The following KCNIP4 variants were observed in gnomAD, a reference collection of about 807,000 sequenced individuals.
The protein encoded by KCNIP4 is potassium voltage-gated channel interacting protein 4, also known as Kv channel-interacting protein 4.
In KCNIP4, 12 loss-of-function variants were observed where a neutral mutation model predicts 34.0. That is an observed-to-expected ratio of 0.35 (90% confidence interval 0.23 to 0.57). The LOEUF (loss-of-function observed/expected upper bound fraction) is 0.57. Ranked by LOEUF, KCNIP4 falls within the 20% of genes least tolerant of loss-of-function variation. The pLI is 0.83. For synonymous variants in KCNIP4, 124 were observed against 102.2 expected, an observed-to-expected ratio of 1.21 and a Z score of -1.29; for missense variants, 238 against 311.7, an observed-to-expected ratio of 0.76 and a Z score of 1.78.
At chr4:21,309,857 A>G (rs1712935130) in intron 1 of KCNIP4, among the ~76,000 whole-genome samples, 2 of 152,352 alleles carry the variant, frequency 1.3e-5, no homozygotes, top group South Asian at 2.1e-4. Flanking sequence ...CCATGAGATC[A>G]GGGAAAGCTG....
At chr4:20,742,818 G>C (rs534492756) in intron 5 of KCNIP4, among the ~76,000 whole-genome samples, 1 of 152,144 alleles carries the variant, frequency 6.6e-6, no homozygotes, top group South Asian at 2.1e-4. Flanking sequence ...AGAAAACCCT[G>C]TCGTCTCAGC....
chr4:21,528,952 T>C (rs1424079799), intron 1 of KCNIP4, among the ~76,000 whole-genome samples: 1 of 152,024 alleles, frequency 6.6e-6, no homozygotes, highest in African/African-American at 2.4e-5. Flanking sequence ...TCATGTGGCA[T>C]GGCTTTCGGC....
At chr4:20,864,420 C>T (rs1261389969) in intron 2 of KCNIP4, among the ~76,000 whole-genome samples, 2 of 151,078 alleles carry the variant, frequency 1.3e-5, no homozygotes, top group Non-Finnish European at 2.9e-5. Context: ...TATATACATA[C>T]ACTCATAAAA....
At chr4:20,759,071 GA>G (rs1052795920) in intron 3 of KCNIP4, among the ~76,000 whole-genome samples, 181 bp from the exon 4 acceptor site, 1 of 149,984 alleles carries the variant, frequency 6.7e-6, no homozygotes, top group Admixed American at 6.6e-5. Flanking sequence ...GTTCTCACAA[GA>G]AAAAAAAACG....
intron 3 of KCNIP4, among the ~76,000 whole-genome samples, chr4:20,795,380 C>T (rs751511977): frequency 3.9e-4 from 59 of 152,214 alleles, no homozygotes; most frequent in Non-Finnish European, 7.2e-4. Context: ...GCCTATAGCC[C>T]TAAATAATGT....
At chr4:20,905,548 G>A (rs1462855051) in intron 1 of KCNIP4, among the ~76,000 whole-genome samples, 3 of 118,340 alleles carry the variant, frequency 2.5e-5, no homozygotes. Context: ...GTCTTGCTCT[G>A]CTGCCCAGGT....
At chr4:20,886,340 C>G (rs1276873780) in intron 1 of KCNIP4, among the ~76,000 whole-genome samples, 1 of 152,164 alleles carries the variant, frequency 6.6e-6, no homozygotes, top group Non-Finnish European at 1.5e-5. Flanking sequence ...AGTCACTGAG[C>G]TGAAGTGGCA....
chr4:20,779,523 A>G (rs1756661525), intron 3 of KCNIP4, among the ~76,000 whole-genome samples: 2 of 151,150 alleles, frequency 1.3e-5, no homozygotes, highest in South Asian at 2.1e-4. Context: ...TTCTCAAAAT[A>G]TATTGATAAC....
intron 1 of KCNIP4, among the ~76,000 whole-genome samples, chr4:20,963,792 A>G (rs1400873285): frequency 6.6e-6 from 1 of 152,132 alleles, no homozygotes; most frequent in Non-Finnish European, 1.5e-5. Context: ...AGTGGGAAAT[A>G]TTAGACGAGA....
Position 20,979,900 on chromosome 4 carries a change from T to A in KCNIP4, c.62-97191A>T, listed in dbSNP as rs1209699010. On this transcript the variant is annotated intron_variant, in intron 1 of 8. Coordinates refer to ENST00000382152, the MANE Select transcript of KCNIP4 (RefSeq NM_025221.6). ...ACATATTTTAATGTTCTTAGACCCA[T>A]GTGCAACGAGCCATATCCAATTCAC... Among the ~76,000 whole-genome samples, 4 of 152,146 alleles carry A rather than the reference T, an allele frequency of 2.6e-5. No homozygotes were observed. In the South Asian group the frequency reaches 8.3e-4, roughly 32 times the overall value.
At chr4:21,105,574 G>T (rs561670230) in intron 1 of KCNIP4, among the ~76,000 whole-genome samples, 5 of 151,618 alleles carry the variant, frequency 3.3e-5, no homozygotes, top group Non-Finnish European at 5.9e-5. Context: ...TTTCCTAATT[G>T]AATACCATTT....
In KCNIP4 at chr4:21,113,307, C is replaced by A. The variant is rs74474931; in HGVS notation, c.62-230598G>T. Among the ~76,000 whole-genome samples the A allele has an allele frequency of 6.1e-3, 928 of 152,240 alleles. 6 individuals carry two copies. Among genetic ancestry groups the A allele is most frequent in the African/African-American group, 0.021 (872 of 41,546 alleles). ...ACACAGACATAAGGCTGTAATTCAG[C>A]TGAGGCAAACAGCAGGGAAAATCAT... On this transcript the variant is annotated intron_variant, in intron 1 of 8. Coordinates refer to ENST00000382152, the MANE Select transcript of KCNIP4 (RefSeq NM_025221.6).
chr4:21,630,065 T>C (rs184316264), intron 1 of KCNIP4, among the ~76,000 whole-genome samples: 6 of 151,148 alleles, frequency 4.0e-5, no homozygotes, highest in African/African-American at 1.2e-4. Flanking sequence ...GGTCTAGCTA[T>C]GTTTCCCAGG....
At chr4:20,919,211 T>C (rs1729138352) in intron 1 of KCNIP4, among the ~76,000 whole-genome samples, 1 of 152,120 alleles carries the variant, frequency 6.6e-6, no homozygotes, top group Non-Finnish European at 1.5e-5. Flanking sequence ...AGTTTCAATC[T>C]AGTAGACATT....
intron 1 of KCNIP4, among the ~76,000 whole-genome samples, chr4:21,634,108 C>T (rs1427943702): frequency 1.3e-5 from 2 of 151,520 alleles, no homozygotes; most frequent in African/African-American, 4.8e-5. Flanking sequence ...GAGGTCCACA[C>T]CTCATTAATG....
intron 1 of KCNIP4, among the ~76,000 whole-genome samples, chr4:21,890,837 G>T (rs1480317914): frequency 6.6e-6 from 1 of 152,248 alleles, no homozygotes; most frequent in East Asian, 1.9e-4. Context: ...CAATGTCCAA[G>T]AAGCTGAAGA....
chr4:21,820,194 C>T (rs6821619), intron 1 of KCNIP4, among the ~76,000 whole-genome samples: 10 of 148,408 alleles, frequency 6.7e-5, no homozygotes, highest in Non-Finnish European at 3.0e-5. Context: ...CATTACATAT[C>T]TATGTAATAA....
intron 1 of KCNIP4, among the ~76,000 whole-genome samples, chr4:21,228,159 T>C (rs1758537856): frequency 6.6e-6 from 1 of 152,158 alleles, no homozygotes; most frequent in African/African-American, 2.4e-5. Flanking sequence ...ATCTTGAATT[T>C]TAACCCCCAG....
intron 6 of KCNIP4, among the ~76,000 whole-genome samples, chr4:20,734,219 C>A (rs901606763): frequency 1.3e-5 from 2 of 152,096 alleles, no homozygotes; most frequent in East Asian, 3.8e-4. Context: ...ATTTGGAGAC[C>A]CCACCATTGC....
Sources: gnomAD v4.1 joint callset for allele counts (sites outside exome capture counted in the v4.1 genomes callset) on GRCh38, gnomAD v4.1.1 for gene constraint, MANE v1.5 for transcripts, NCBI Gene and HGNC (gene_info 2026-07-23, HGNC 2026-07-21) for gene names.